The following COMMD10 variants were observed in gnomAD, a reference collection of about 807,000 sequenced individuals.
COMMD10 encodes COMM domain-containing protein 10.
In COMMD10, 33 loss-of-function variants were observed where a neutral mutation model predicts 28.9. That is an observed-to-expected ratio of 1.14 (90% CI 0.87 to 1.53). COMMD10 has a LOEUF of 1.53. Among genes scored for constraint, COMMD10 ranks in the 40% most tolerant of loss-of-function variants. The pLI is 0.00. For missense variants in COMMD10, 310 were observed against 233.4 expected (o/e 1.33, Z -2.14); for synonymous variants, 110 against 81.7 (o/e 1.35, Z -1.87).
intron 5 of COMMD10, among the ~76,000 whole-genome samples, chr5:116,171,963 CTTAAA>C (rs1753350183): frequency 1.3e-5 from 2 of 152,112 alleles, no homozygotes; most frequent in Non-Finnish European, 2.9e-5. Context: ...TATCCTAGAA[CTTAAA>C]TTATAATAAA....
intron 4 of COMMD10, among the ~76,000 whole-genome samples, chr5:116,112,475 C>A (rs1048771373): frequency 2.0e-5 from 3 of 152,012 alleles, no homozygotes; most frequent in African/African-American, 7.2e-5. Context: ...CAGCTCACTG[C>A]AACCTCCGTC....
chr5:116,236,506 A>C (rs961469605), intron 5 of COMMD10, among the ~76,000 whole-genome samples: 13 of 88,924 alleles, frequency 1.5e-4, no homozygotes, highest in Non-Finnish European at 2.2e-4. Context: ...CTCCGTCTCA[A>C]AAAAAAAAAA....
intron 5 of COMMD10, among the ~76,000 whole-genome samples, chr5:116,287,017 A>G (rs1751235370): frequency 6.6e-6 from 1 of 151,806 alleles, no homozygotes; most frequent in Non-Finnish European, 1.5e-5. Flanking sequence ...TGTTCCATAT[A>G]TTTAGATTCA....
At chr5:116,217,894 T>C (rs2112640791) in intron 5 of COMMD10, 1 of 618,194 alleles carries the variant, frequency 1.6e-6, no homozygotes, top group Non-Finnish European at 2.9e-6. Context: ...TGAAGTGTTC[T>C]GTGTGCTAAC....
At chr5:116,178,383 T>C (rs1747818352) in intron 5 of COMMD10, among the ~76,000 whole-genome samples, 1 of 152,102 alleles carries the variant, frequency 6.6e-6, no homozygotes, top group African/African-American at 2.4e-5. Flanking sequence ...TAAACAAAAC[T>C]TACTTTATAA....
intron 5 of COMMD10, among the ~76,000 whole-genome samples, chr5:116,289,431 C>G (rs1330639718): frequency 6.6e-6 from 1 of 151,818 alleles, no homozygotes; most frequent in Non-Finnish European, 1.5e-5. Context: ...GCTGGGAGTT[C>G]TAGGGCCTCT....
Position 116,158,851 on chromosome 5 carries a change from G to GT in COMMD10, c.510+24684dup, listed in dbSNP as rs373892846. Among the ~76,000 whole-genome samples the GT allele has an allele frequency of 9.8e-3, 1,419 of 144,858 alleles. 18 individuals carry two copies. The highest frequency in any genetic ancestry group is 0.026 in the African/African-American group (1,022 of 39,538). On this transcript the variant is annotated intron_variant, in intron 5 of 6. Coordinates refer to ENST00000274458, the MANE Select transcript of COMMD10 (RefSeq NM_016144.4). ...AATGTCATTTGCCTTGCAAACAGTTGTTTTTTTTTTTCCCCCCCTGAGGTC... is the reference window on the plus strand; with the variant it reads ...AATGTCATTTGCCTTGCAAACAGTTGTTTTTTTTTTTTCCCCCCCTGAGGTC...
intron 5 of COMMD10, among the ~76,000 whole-genome samples, chr5:116,195,364 A>G (rs907079087): frequency 7.9e-5 from 12 of 151,994 alleles, no homozygotes; most frequent in Non-Finnish European, 1.5e-5. Context: ...TGGTAAAGAG[A>G]AAGACTGTCA....
intron 4 of COMMD10, among the ~76,000 whole-genome samples, chr5:116,116,171 A>C (rs1178134039): frequency 1.3e-5 from 2 of 152,240 alleles, no homozygotes; most frequent in Admixed American, 1.3e-4. Context: ...TTCCTATAAC[A>C]TTAAAAAAAT....
At chr5:116,109,319 C>T (rs1750962646) in intron 4 of COMMD10, among the ~76,000 whole-genome samples, 1 of 152,218 alleles carries the variant, frequency 6.6e-6, no homozygotes, top group Non-Finnish European at 1.5e-5. Flanking sequence ...ACTATGGGCT[C>T]ATGCCTGTCA....
At chr5:116,108,270 C>T (rs965781713) in intron 4 of COMMD10, among the ~76,000 whole-genome samples, 4 of 152,216 alleles carry the variant, frequency 2.6e-5, no homozygotes, top group African/African-American at 7.2e-5. Context: ...GAAGCTGCAC[C>T]CACAGCCACC....
intron 4 of COMMD10, among the ~76,000 whole-genome samples, chr5:116,099,325 T>C (rs1327579412): frequency 6.6e-6 from 1 of 151,714 alleles, no homozygotes; most frequent in Non-Finnish European, 1.5e-5. Flanking sequence ...TTGAATAATA[T>C]TCCATTCATT....
At chr5:116,181,666 A>G (rs996800523) in intron 5 of COMMD10, among the ~76,000 whole-genome samples, 1 of 152,016 alleles carries the variant, frequency 6.6e-6, no homozygotes, top group Non-Finnish European at 1.5e-5. Context: ...CAAGGACCAT[A>G]CTTTGAGAAT....
intron 5 of COMMD10, among the ~76,000 whole-genome samples, chr5:116,145,116 A>G (rs1221941037): frequency 2.0e-5 from 3 of 151,822 alleles, no homozygotes; most frequent in African/African-American, 7.2e-5. Context: ...TGTTTTCTCA[A>G]TGCTGCTGTC....
At chr5:116,181,296 T>C (rs1580526780) in intron 5 of COMMD10, among the ~76,000 whole-genome samples, 1 of 151,432 alleles carries the variant, frequency 6.6e-6, no homozygotes, top group South Asian at 2.1e-4. Flanking sequence ...ATGTGAATTC[T>C]AAATGCTGAA....
chr5:116,235,089 T>TCA lies in COMMD10; in HGVS notation c.511-56428_511-56427insCA, dbSNP rs1428918255. On this transcript the variant is annotated intron_variant, in intron 5 of 6. Transcript: ENST00000274458. ...TAATATAATTTCAGATCTGTGCCTT[T>TCA]TATATATATACTTTTACCACTTATT... 2.6e-5 allele frequency among the ~76,000 whole-genome samples: 4 copies of TCA among 152,290 alleles called. No individual in the cohort carries two copies. The South Asian group carries it at 8.3e-4, about 32-fold the overall frequency.
intron 5 of COMMD10, among the ~76,000 whole-genome samples, chr5:116,281,084 T>A (rs1411447616): frequency 6.6e-6 from 1 of 151,858 alleles, no homozygotes; most frequent in Non-Finnish European, 1.5e-5. Context: ...AATTCTGATA[T>A]CCAATTTAAG....
At chr5:116,095,609 C>T (rs1750443842) in intron 4 of COMMD10, among the ~76,000 whole-genome samples, 1 of 152,058 alleles carries the variant, frequency 6.6e-6, no homozygotes, top group Admixed American at 6.6e-5. Context: ...GTATCTTTCC[C>T]AGAACAGAAC....
At chr5:116,292,104 C>G (rs1220556548) in intron 6 of COMMD10, among the ~76,000 whole-genome samples, 1 of 151,538 alleles carries the variant, frequency 6.6e-6, no homozygotes, top group Non-Finnish European at 1.5e-5. Context: ...CACCACTGTA[C>G]CCACTCCCTC....
Sources: allele counts gnomAD v4.1 joint callset (sites outside exome capture counted in the v4.1 genomes callset), GRCh38; gene constraint gnomAD v4.1.1; transcripts MANE v1.5; gene names NCBI Gene and HGNC (gene_info 2026-07-23, HGNC 2026-07-21).